The following MECOM variants were observed in gnomAD, a reference collection of about 807,000 sequenced individuals.
The protein encoded by MECOM is histone-lysine N-methyltransferase MECOM.
MECOM carries 13 observed loss-of-function variants against 116.3 expected under a neutral mutation model. The observed-to-expected ratio is 0.11, with a 90% CI of 0.07 to 0.18. The LOEUF is 0.18. Among genes scored for constraint, MECOM ranks in the 10% least tolerant of loss-of-function variants. The probability of loss-of-function intolerance (pLI) is 1.00; values close to 1 mark genes in which losing one functional copy is unlikely to be tolerated. For synonymous variants in MECOM, 528 were observed against 535.2 expected (o/e 0.99, Z 0.19); for missense variants, 1,299 against 1,509.0 (o/e 0.86, Z 2.31).
chr3:169,348,852 A>G (rs1348689731), intron 2 of MECOM, among the ~76,000 whole-genome samples: 1 of 151,988 alleles, frequency 6.6e-6, no homozygotes, highest in Non-Finnish European at 1.5e-5. Flanking sequence ...CAGCAGCATG[A>G]TACATTACTA....
At chr3:169,501,315 A>G (rs905642807) in intron 1 of MECOM, among the ~76,000 whole-genome samples, 33 of 151,992 alleles carry the variant, frequency 2.2e-4, no homozygotes, top group Non-Finnish European at 1.9e-4. Flanking sequence ...TGTAGAAATT[A>G]CATCCCTAGA....
In MECOM at chr3:169,569,716, G is replaced by A. The variant is rs1375576267; in HGVS notation, c.37+93620C>T. On this transcript the variant is annotated intron_variant, in intron 1 of 16. Transcript: ENST00000651503. ...ACAATGCATAGAAACTGAACAACCTGCTCCTGAAGGACAACTGGGTAAATA... is the reference window on the plus strand; with the variant it reads ...ACAATGCATAGAAACTGAACAACCTACTCCTGAAGGACAACTGGGTAAATA... 3.9e-5 allele frequency among the ~76,000 whole-genome samples: 6 copies of A among 152,106 alleles called. No homozygotes were observed. The East Asian group carries it at 9.6e-4, about 24-fold the overall frequency.
chr3:169,556,185 GCTA>G (rs1317769453), intron 1 of MECOM, among the ~76,000 whole-genome samples: 2 of 152,154 alleles, frequency 1.3e-5, no homozygotes, highest in African/African-American at 4.8e-5. Context: ...GCCAATTAAA[GCTA>G]CTTATTCCTA....
In MECOM at chr3:169,559,593, A is replaced by G. The variant is rs188388184; in HGVS notation, c.37+103743T>C. On this transcript the variant is annotated intron_variant, in intron 1 of 16. Coordinates refer to ENST00000651503, the MANE Select transcript of MECOM (RefSeq NM_004991.4). ...TATTTGTTTGGTGGGTGAAAACAATATATCTGCCACTTTTATGCAGCATTT... is the reference window on the plus strand; with the variant it reads ...TATTTGTTTGGTGGGTGAAAACAATGTATCTGCCACTTTTATGCAGCATTT... Among the ~76,000 whole-genome samples the G allele has an allele frequency of 8.1e-4, 123 of 152,304 alleles. 1 individual carries two copies. Among genetic ancestry groups the G allele is most frequent in the African/African-American group, 2.9e-3 (119 of 41,584 alleles).
intron 1 of MECOM, among the ~76,000 whole-genome samples, chr3:169,433,816 A>G (rs192289845): frequency 6.6e-6 from 1 of 152,254 alleles, no homozygotes; most frequent in East Asian, 1.9e-4. Context: ...GTCCCCAGAG[A>G]TTTACTGTGA....
intron 1 of MECOM, among the ~76,000 whole-genome samples, chr3:169,641,785 T>C (rs1204324098): frequency 6.6e-6 from 1 of 152,182 alleles, no homozygotes; most frequent in Non-Finnish European, 1.5e-5. Context: ...GTGGCAGAGA[T>C]AGAATTTGAA....
chr3:169,494,825 T>A (rs980553633), intron 1 of MECOM, among the ~76,000 whole-genome samples: 7 of 152,210 alleles, frequency 4.6e-5, no homozygotes, highest in Non-Finnish European at 8.8e-5. Context: ...AATCTTTTAG[T>A]TATCTATTAA....
intron 1 of MECOM, among the ~76,000 whole-genome samples, chr3:169,594,154 C>CAAAAAAAAAAAA (rs34331048): frequency 6.6e-5 from 3 of 45,704 alleles, no homozygotes; most frequent in African/African-American, 1.2e-4. Flanking sequence ...ACCACCACCA[C>CAAAAAAAAAAAA]AAAAAAAAAA....
At chr3:169,336,987 A>G (rs1166253336) in intron 2 of MECOM, among the ~76,000 whole-genome samples, 4 of 152,162 alleles carry the variant, frequency 2.6e-5, no homozygotes, top group African/African-American at 7.2e-5. Flanking sequence ...AGTGACTAGA[A>G]TAACTATTTT....
At chr3:169,523,379 C>T (rs115214383) in intron 1 of MECOM, among the ~76,000 whole-genome samples, 116 of 152,042 alleles carry the variant, frequency 7.6e-4, no homozygotes, top group African/African-American at 2.7e-3. Context: ...AGAATCAGTG[C>T]ATGCCAATGG....
intron 1 of MECOM, among the ~76,000 whole-genome samples, chr3:169,642,115 C>T (rs1269760910): frequency 2.0e-5 from 3 of 152,220 alleles, no homozygotes; most frequent in Admixed American, 2.0e-4. Flanking sequence ...CTAGTAAAGG[C>T]CTTCCCATTT....
At chr3:169,274,592 T>C (rs1191525584) in intron 2 of MECOM, among the ~76,000 whole-genome samples, 1 of 152,204 alleles carries the variant, frequency 6.6e-6, no homozygotes, top group Non-Finnish European at 1.5e-5. Flanking sequence ...GTTTTCCTTA[T>C]GAAAAGTCTA....
At chr3:169,533,342 G>C (rs1027145658) in intron 1 of MECOM, among the ~76,000 whole-genome samples, 3 of 152,114 alleles carry the variant, frequency 2.0e-5, no homozygotes, top group Non-Finnish European at 4.4e-5. Context: ...AGGTCGTGAT[G>C]GTGGCATTGC....
intron 1 of MECOM, among the ~76,000 whole-genome samples, chr3:169,475,751 G>A (rs1409968484): frequency 6.6e-6 from 1 of 151,996 alleles, no homozygotes; most frequent in African/African-American, 2.4e-5. Flanking sequence ...TAAAAAAAAA[G>A]GGGGAGGAGG....
At position 169,378,466 on chromosome 3, in the gene MECOM, CAAGCAAGCAA is replaced by C. The variant is rs1460305225; in HGVS notation, c.375+2711_375+2720del. Among the ~76,000 whole-genome samples the C allele has an allele frequency of 7.4e-4, 33 of 44,888 alleles. 2 individuals carry two copies. The highest frequency in any genetic ancestry group is 2.8e-3 in the South Asian group (4 of 1,426). 29.4% of individuals were successfully genotyped at this position (44,888 alleles called of 152,430 possible). ...GAAAGAAAGAAGGAAAGCAAGCAAG[CAAGCAAGCAA>C]GAAAGAGAGAGAGAAAGAAAGAAAG... is the stretch of plus-strand genomic sequence containing the variant. On this transcript the variant is annotated intron_variant, in intron 2 of 16. Transcript: ENST00000651503.
At chr3:169,512,154 A>T (rs1756049704) in intron 1 of MECOM, among the ~76,000 whole-genome samples, 1 of 152,192 alleles carries the variant, frequency 6.6e-6, no homozygotes, top group African/African-American at 2.4e-5. Context: ...CTAAATGCAC[A>T]GCTTGTGCAA....
At chr3:169,540,502 T>C (rs1045097259) in intron 1 of MECOM, among the ~76,000 whole-genome samples, 3 of 152,262 alleles carry the variant, frequency 2.0e-5, no homozygotes, top group African/African-American at 7.2e-5. Context: ...GGCCATGTCA[T>C]GGCCCTGCTT....
chr3:169,170,298 T>A (rs947754872), intron 2 of MECOM, among the ~76,000 whole-genome samples: 15 of 150,632 alleles, frequency 1.0e-4, no homozygotes, highest in African/African-American at 3.7e-4. Context: ...TCCCAGCTAC[T>A]TGGGAGGCTG....
chr3:169,286,837 AC>A (rs1713422460), intron 2 of MECOM, among the ~76,000 whole-genome samples: 1 of 152,128 alleles, frequency 6.6e-6, no homozygotes, highest in Non-Finnish European at 1.5e-5. Context: ...CCCGAGAAGA[AC>A]CCAGAAGCTG....
Sources: allele counts gnomAD v4.1 joint callset (sites outside exome capture counted in the v4.1 genomes callset), GRCh38; gene constraint gnomAD v4.1.1; transcripts MANE v1.5; gene names NCBI Gene and HGNC (gene_info 2026-07-23, HGNC 2026-07-21).